The following RSPH14 variants were observed in gnomAD, a reference collection of about 807,000 sequenced individuals.
The protein encoded by RSPH14 is rhabdoid tumor deletion region gene 1.
Under a neutral mutation model 26.7 loss-of-function variants are expected in RSPH14, and 20 were observed. The ratio of observed to expected loss-of-function variants is 0.75; its 90% confidence interval spans 0.53 to 1.09. RSPH14 has a LOEUF of 1.09. RSPH14 is among the 50% of genes least tolerant of loss of function. The probability of loss-of-function intolerance (pLI) is 0.00; values close to 1 mark genes in which losing one functional copy is unlikely to be tolerated. For synonymous variants in RSPH14, 177 were observed against 189.3 expected, an observed-to-expected ratio of 0.93 and a Z score of 0.53; for missense variants, 449 against 457.2, an observed-to-expected ratio of 0.98 and a Z score of 0.16.
At position 23,138,946 on chromosome 22, in the gene RSPH14, GAA is replaced by G. The variant is rs10568631; in HGVS notation, c.200-6_200-5del. The G allele has an allele frequency of 0.24, 323,076 of 1,370,458 alleles. 9,403 individuals carry two copies. Among genetic ancestry groups the G allele is most frequent in the East Asian group, 0.31 (11,637 of 38,034 alleles). 84.9% of individuals were successfully genotyped at this position (1,370,458 alleles called of 1,614,324 possible). ...GCTTTCAGGTTCTCCATACAGCCTAGAAAAAAAAAAAAAAACAAACAAACCAA... is the reference window on the plus strand; with the variant it reads ...GCTTTCAGGTTCTCCATACAGCCTAGAAAAAAAAAAAAACAAACAAACCAA... On this transcript the variant is annotated splice_region_variant and splice_polypyrimidine_tract_variant and intron_variant, in intron 2 of 6. Transcript: ENST00000216036.
chr22:23,097,578 A>C (rs1020666968), intron 4 of RSPH14, among the ~76,000 whole-genome samples: 4 of 152,264 alleles, frequency 2.6e-5, no homozygotes, highest in Non-Finnish European at 5.9e-5. Context: ...ACGGACGGGC[A>C]GGCAGGTGTG....
At chr22:23,111,730 GC>G (rs2069665685) in intron 4 of RSPH14, among the ~76,000 whole-genome samples, 1 of 152,184 alleles carries the variant, frequency 6.6e-6, no homozygotes, top group Non-Finnish European at 1.5e-5. Context: ...TACCTCCCAG[GC>G]CCCTTCCTCA....
intron 1 of RSPH14, 43 bp from the exon 2 acceptor site, chr22:23,140,515 A>G (rs753285356): frequency 6.6e-7 from 1 of 1,513,596 alleles, no homozygotes; most frequent in Non-Finnish European, 8.9e-7. Context: ...ATTATGATTT[A>G]AAAGCTACTT....
At chr22:23,152,937 G>T in the RSPH14 span, 1 of 869,182 alleles carries the variant, frequency 1.2e-6, no homozygotes, top group Non-Finnish European at 1.9e-6. Context: ...ATGGGAAGTG[G>T]ACCTTATTTG....
chr22:23,135,997 TTTTA>T (rs1198870972), intron 3 of RSPH14: 37 of 176,806 alleles, frequency 2.1e-4, no homozygotes, highest in East Asian at 4.0e-4. Flanking sequence ...ATTTTATTTA[TTTTA>T]TTTATTTATT....
At chr22:23,147,961 A>G (rs1218865492), upstream of RSPH14, among the ~76,000 whole-genome samples, 1 of 152,176 alleles carries the variant, frequency 6.6e-6, no homozygotes, top group African/African-American at 2.4e-5. Flanking sequence ...TTGTTTATAT[A>G]TGCAGAAAAT....
At chr22:23,159,077 C>G in the RSPH14 span, 1 of 1,582,788 alleles carries the variant, frequency 6.3e-7, no homozygotes, top group Non-Finnish European at 8.6e-7. Context: ...GGAGGCAGCA[C>G]AGTGGGAAGC....
At chr22:23,132,608 A>G (rs4822358) in intron 4 of RSPH14, 74,026 of 152,072 alleles carry the variant, frequency 0.49, 18,675 homozygotes, top group Middle Eastern at 0.58. Flanking sequence ...CACACCCACC[A>G]AAATAGCTAA....
At chr22:23,086,265 C>G (rs1048631486) in intron 4 of RSPH14, among the ~76,000 whole-genome samples, 2 of 152,330 alleles carry the variant, frequency 1.3e-5, no homozygotes, top group African/African-American at 4.8e-5. Flanking sequence ...TTGGTGGGAG[C>G]AGAGGCCTGC....
intron 4 of RSPH14, among the ~76,000 whole-genome samples, chr22:23,087,659 T>TG (rs1030391177): frequency 1.3e-5 from 2 of 152,160 alleles, no homozygotes; most frequent in East Asian, 1.9e-4. Context: ...ACTTGGTGGA[T>TG]GGGGGGTAGC....
chr22:23,063,190 A>C (rs1290573829), intron 5 of RSPH14, among the ~76,000 whole-genome samples: 1 of 152,046 alleles, frequency 6.6e-6, no homozygotes, highest in East Asian at 1.9e-4. Context: ...GCATTTTCAC[A>C]AACCTCCCGG....
chr22:23,106,741 C>T (rs2069491556), intron 4 of RSPH14, among the ~76,000 whole-genome samples: 2 of 152,260 alleles, frequency 1.3e-5, no homozygotes, highest in Admixed American at 1.3e-4. Context: ...ACTGCATGCA[C>T]AACCTCTAAG....
chr22:23,140,618 G>T, intron 1 of RSPH14, 146 bp from the exon 2 acceptor site: 1 of 1,023,408 alleles, frequency 9.8e-7, no homozygotes, highest in Non-Finnish European at 1.4e-6. Flanking sequence ...GCAATGAAGA[G>T]ATTTGCTCAA....
chr22:23,069,216 C>T (rs1601734718), intron 4 of RSPH14, among the ~76,000 whole-genome samples: 1 of 152,234 alleles, frequency 6.6e-6, no homozygotes, highest in African/African-American at 2.4e-5. Flanking sequence ...GCTCCATGGA[C>T]CTCTGCCATG....
At chr22:23,146,286 G>GC (rs1223895586), upstream of RSPH14, among the ~76,000 whole-genome samples, 1 of 152,136 alleles carries the variant, frequency 6.6e-6, no homozygotes, top group Non-Finnish European at 1.5e-5. Flanking sequence ...ACGGTTCACT[G>GC]CACCCTTGAC....
At chr22:23,062,705 C>A (rs1018561310) in intron 5 of RSPH14, among the ~76,000 whole-genome samples, 1 of 152,234 alleles carries the variant, frequency 6.6e-6, no homozygotes, top group African/African-American at 2.4e-5. Flanking sequence ...ACACTGGGAG[C>A]CTTTCAGGGC....
chr22:23,084,558 C>T (rs2068765842), intron 4 of RSPH14, among the ~76,000 whole-genome samples: 1 of 152,226 alleles, frequency 6.6e-6, no homozygotes, highest in Non-Finnish European at 1.5e-5. Context: ...TTGCAGACAG[C>T]CACACTGGCC....
rs755747437 is a variant in RSPH14 at position 23,136,358 on chromosome 22, G to A, written c.303-2214C>T. 17 of 668,090 alleles carry A rather than the reference G, an allele frequency of 2.5e-5. 1 individual carries two copies. The highest frequency in any genetic ancestry group is 1.4e-4 in the South Asian group (9 of 65,178). 41.4% of individuals were successfully genotyped at this position (668,090 alleles called of 1,614,324 possible). A position where few individuals can be genotyped will look rare whatever the true frequency, so the allele number is the denominator to read the frequency against. On this transcript the variant is annotated intron_variant, in intron 3 of 6. Transcript: ENST00000216036. The stretch of plus-strand genomic sequence containing the variant: ...AAGAGGCAGAAGAGTTTCAACCTGG[G>A]CAGTTCAGGGCAGCTACTTAGAGCT...
chr22:23,107,308 C>T (rs1269334347), intron 4 of RSPH14, among the ~76,000 whole-genome samples: 1 of 152,194 alleles, frequency 6.6e-6, no homozygotes, highest in Non-Finnish European at 1.5e-5. Flanking sequence ...CTGGGACCTA[C>T]AGGCCTGAGT....
Sources: allele counts gnomAD v4.1 joint callset (sites outside exome capture counted in the v4.1 genomes callset), GRCh38; gene constraint gnomAD v4.1.1; transcripts MANE v1.5; gene names NCBI Gene and HGNC (gene_info 2026-07-23, HGNC 2026-07-21).